The following ACLY variants were observed in gnomAD, a reference collection of about 807,000 sequenced individuals.
ACLY encodes the protein ATP citrate lyase, also known as ATP-citrate synthase.
In ACLY, 41 loss-of-function variants were observed where a neutral mutation model predicts 133.0. That is an observed-to-expected ratio of 0.31 (90% confidence interval 0.24 to 0.40). ACLY has a LOEUF of 0.40. ACLY is among the 10% of genes least tolerant of loss of function. ACLY has a pLI of 1.00. For missense variants in ACLY, 1,046 were observed against 1,453.8 expected, an observed-to-expected ratio of 0.72 and a Z score of 4.56; for synonymous variants, 495 against 549.3, an observed-to-expected ratio of 0.90 and a Z score of 1.38.
rs1567903269 is a variant in ACLY at position 41,898,700 on chromosome 17, G to A, written c.1269C>T (p.Pro423=). ...CCGCTGTGGGTGGCTGGTTGGGGAT[G>A]GGCCGGTGGCCCAGGGCCATGCCCA... ...AIVGMALGHR[P]IPNQPPTAAH... is the part of the protein sequence containing the mutation. The change falls in exon 12 of 29, where the codon CCC becomes CCT. Residue 423 remains proline (P), a synonymous_variant. Coordinates refer to ENST00000352035, the MANE Select transcript of ACLY (RefSeq NM_001096.3). 8.1e-6 allele frequency: 13 copies of A among 1,613,814 alleles called. No individual in the cohort carries two copies. Among genetic ancestry groups the A allele is most frequent in the Non-Finnish European group, 1.1e-5 (13 of 1,179,944 alleles).
chr17:41,922,914 C>T (rs970896682), upstream of ACLY, among the ~76,000 whole-genome samples: 8 of 152,194 alleles, frequency 5.3e-5, no homozygotes, highest in African/African-American at 1.9e-4. Context: ...AGTTTCTGCC[C>T]CCAACGCCCA....
rs2048503196 is a variant in ACLY at position 41,867,862 on chromosome 17, C to T, written c.3254G>A (p.Arg1085His). 7 of 1,610,834 alleles carry T rather than the reference C, an allele frequency of 4.3e-6. No individual in the cohort carries two copies. Among genetic ancestry groups the T allele is most frequent in the South Asian group, 1.1e-5 (1 of 90,616 alleles). Reference protein sequence around the residue: ...DQKRLKQGLYRHPWDDISYVL... With the variant: ...DQKRLKQGLYHHPWDDISYVL... ...ATATGAAATATCATCCCACGGATGA[C>T]GATACAGCCCCTGCTTCAGCCTCTT... Residue 1085 changes from arginine (R) to histidine (H), a missense_variant, in exon 29 of 29, where the codon CGT becomes CAT. Physicochemically the swap from Arg to His is conservative, Grantham distance 29. Around this residue, in one of 4 missense-constraint regions of ACLY, gnomAD observed 205 missense variants for 373.3 expected, o/e 0.55. Transcript: ENST00000352035.
intron 16 of ACLY, among the ~76,000 whole-genome samples, chr17:41,889,510 A>G (rs188972389): frequency 2.4e-5 from 3 of 124,142 alleles, no homozygotes; most frequent in Admixed American, 1.0e-4. Context: ...GTGATGGAGA[A>G]AGGCTCCATT....
chr17:41,877,266 G>A (rs1430382033), intron 22 of ACLY, among the ~76,000 whole-genome samples: 4 of 151,198 alleles, frequency 2.6e-5, no homozygotes, highest in African/African-American at 4.9e-5. Context: ...TCAGCTTCCC[G>A]AGTAGCTGGG....
At chr17:41,899,863 G>A (rs1221993494) in intron 11 of ACLY, among the ~76,000 whole-genome samples, 1 of 151,618 alleles carries the variant, frequency 6.6e-6, no homozygotes, top group Non-Finnish European at 1.5e-5. Context: ...GGGCAACATG[G>A]CAAAAGTTCG....
At chr17:41,918,760 G>C (rs2050124206) in intron 1 of ACLY, 120 bp downstream of exon 1, 2 of 1,201,644 alleles carry the variant, frequency 1.7e-6, no homozygotes, top group Non-Finnish European at 1.1e-6. Context: ...CAAAACTTCC[G>C]AGCAGGGCGC....
At position 41,869,599 on chromosome 17, in the gene ACLY, C is replaced by A. The variant is rs782528878; in HGVS notation, c.2938-12G>T. The A allele has an allele frequency of 6.2e-7, 1 of 1,602,914 alleles. No individual in the cohort carries two copies. Among genetic ancestry groups the A allele is most frequent in the South Asian group, 1.1e-5 (1 of 90,890 alleles). On this transcript the variant is annotated splice_polypyrimidine_tract_variant and intron_variant, in intron 25 of 28. Coordinates refer to ENST00000352035, the MANE Select transcript of ACLY (RefSeq NM_001096.3). ...TCTGGGTTGTTTATCTAGAAATGAACCCAACGGTACAGAGGAACACTCACA... is the reference window on the plus strand; with the variant it reads ...TCTGGGTTGTTTATCTAGAAATGAAACCAACGGTACAGAGGAACACTCACA...
At chr17:41,908,787 G>A (rs2049803071) in intron 6 of ACLY, among the ~76,000 whole-genome samples, 1 of 152,158 alleles carries the variant, frequency 6.6e-6, no homozygotes, top group African/African-American at 2.4e-5. Context: ...AGAGGTTGGA[G>A]TTGACTAAGA....
rs1164948940 is a variant in ACLY at position 41,900,052 on chromosome 17, G to A, written c.1184-1267C>T. 8.3e-5 allele frequency among the ~76,000 whole-genome samples: 9 copies of A among 108,270 alleles called. 1 individual carries two copies. Among genetic ancestry groups the A allele is most frequent in the African/African-American group, 2.9e-4 (9 of 30,588 alleles). 71.0% of individuals were successfully genotyped at this position (108,270 alleles called of 152,430 possible). ...CCACCGCACTCCAGCCTGGGTGACA[G>A]AGTGAGACCCTGTCTCCAAAAAAAA... is the stretch of plus-strand genomic sequence containing the variant. On this transcript the variant is annotated intron_variant, in intron 11 of 28. Transcript: ENST00000352035.
exon 1 of ACLY, chr17:41,930,530 A>C (rs2050308612): frequency 7.3e-6 from 4 of 551,182 alleles, no homozygotes; most frequent in East Asian, 3.1e-5. Context: ...TCCCTGGCCC[A>C]GTGCGCGGCA....
chr17:41,908,011 G>A (rs1224953362), intron 6 of ACLY, among the ~76,000 whole-genome samples: 1 of 152,158 alleles, frequency 6.6e-6, no homozygotes, highest in Non-Finnish European at 1.5e-5. Flanking sequence ...TCAGTGTCAG[G>A]TGGAGCAGGG....
At chr17:41,880,630 C>T (rs1172345736) in intron 20 of ACLY, among the ~76,000 whole-genome samples, 2 of 152,174 alleles carry the variant, frequency 1.3e-5, no homozygotes, top group African/African-American at 4.8e-5. Flanking sequence ...TTTGAGAGGC[C>T]GAGATGGGTG....
At position 41,897,686 on chromosome 17, in the gene ACLY, G is replaced by A; in HGVS notation, c.1429+63C>T. 3.4e-6 allele frequency: 5 copies of A among 1,468,652 alleles called. No individual in the cohort carries two copies. In the South Asian group the frequency reaches 4.9e-5, roughly 14 times the overall value. The allele number at this position is 1,468,652 out of a possible 1,614,324, so 91.0% of individuals were successfully genotyped here. On this transcript the variant is annotated intron_variant, in intron 13 of 28. Coordinates refer to ENST00000352035, the MANE Select transcript of ACLY (RefSeq NM_001096.3). ...GCCCAGGGGGGAAAGGGAAAGGGGAGAGAGATACAGAGGGTACCGCAAGGC... is the reference window on the plus strand; with the variant it reads ...GCCCAGGGGGGAAAGGGAAAGGGGAAAGAGATACAGAGGGTACCGCAAGGC...
chr17:41,878,164 ACT>A lies in ACLY; in HGVS notation c.2424_2425del (p.Val809HisfsTer38), dbSNP rs781854990. On this transcript the variant is annotated frameshift_variant, in exon 22 of 29. Coordinates refer to ENST00000352035, the MANE Select transcript of ACLY (RefSeq NM_001096.3). LOFTEE classifies it high-confidence loss of function. ...CGGCACCTCCTGGGCAGGTACAATG[ACT>A]CCATTGGCCACGAGATCTTCGTATA... 5.9e-5 allele frequency: 94 copies of A among 1,596,070 alleles called. No homozygotes were observed. In the East Asian group the frequency reaches 2.1e-3, roughly 36 times the overall value.
At chr17:41,885,511 T>C (rs928474049) in intron 18 of ACLY, among the ~76,000 whole-genome samples, 19 of 152,238 alleles carry the variant, frequency 1.2e-4, no homozygotes, top group African/African-American at 4.6e-4. Flanking sequence ...CTCTGAGATA[T>C]AATACTGTAT....
At chr17:41,915,589 C>A (rs1242847912) in intron 1 of ACLY, among the ~76,000 whole-genome samples, 1 of 152,008 alleles carries the variant, frequency 6.6e-6, no homozygotes, top group Non-Finnish European at 1.5e-5. Context: ...CTGGTGTCTG[C>A]CTAAAGTGGG....
intron 14 of ACLY, among the ~76,000 whole-genome samples, chr17:41,895,895 A>G (rs2049351876): frequency 6.6e-6 from 1 of 152,182 alleles, no homozygotes; most frequent in South Asian, 2.1e-4. Flanking sequence ...CTCTGATGCC[A>G]TGAACCAATT....
chr17:41,924,870 ACT>A (rs2050223651), intron 1 of ACLY, among the ~76,000 whole-genome samples: 1 of 151,132 alleles, frequency 6.6e-6, no homozygotes, highest in South Asian at 2.1e-4. Context: ...CTCCATTCTG[ACT>A]CTCTCTCAAA....
intron 18 of ACLY, among the ~76,000 whole-genome samples, chr17:41,885,138 C>T (rs549894872): frequency 1.3e-5 from 2 of 152,032 alleles, no homozygotes; most frequent in East Asian, 3.9e-4. Flanking sequence ...CCTCAGCCCC[C>T]CAAAGTGCTG....
Sources: allele counts gnomAD v4.1 joint callset (sites outside exome capture counted in the v4.1 genomes callset), GRCh38; gene constraint gnomAD v4.1.1; regional missense constraint gnomAD v4.1.1; transcripts MANE v1.5; gene names NCBI Gene and HGNC (gene_info 2026-07-23, HGNC 2026-07-21).